Variants in MPP7 observed in about 807,000 individuals in gnomAD.
MPP7 encodes MAGUK p55 scaffold protein 7.
A neutral mutation model predicts 76.5 loss-of-function variants in MPP7; 60 were observed. That is an observed-to-expected ratio of 0.78 (90% CI 0.64 to 0.97). The LOEUF is 0.97. MPP7 is among the 50% of genes least tolerant of loss of function. The pLI is 0.00. For missense variants in MPP7, 641 were observed against 694.0 expected, an observed-to-expected ratio of 0.92 and a Z score of 0.86; for synonymous variants, 237 against 244.5, an observed-to-expected ratio of 0.97 and a Z score of 0.29.
chr10:28,086,849 G>C (rs1853034438), intron 12 of MPP7, among the ~76,000 whole-genome samples: 1 of 152,138 alleles, frequency 6.6e-6, no homozygotes, highest in Non-Finnish European at 1.5e-5. Flanking sequence ...CAAACCTCTG[G>C]ACAGCGCACA....
rs199511617 is a variant in MPP7 at position 28,254,004 on chromosome 10, GAAAAAAAAA to G, written c.-131-15278_-131-15270del. Among the ~76,000 whole-genome samples, 197 of 92,356 alleles carry G rather than the reference GAAAAAAAAA, an allele frequency of 2.1e-3. 1 individual carries two copies. In the Middle Eastern group the frequency reaches 0.027, roughly 13 times the overall value. 60.6% of individuals were successfully genotyped at this position (92,356 alleles called of 152,430 possible). On this transcript the variant is annotated intron_variant, in intron 1 of 16. Coordinates refer to ENST00000683449, the MANE Select transcript of MPP7 (RefSeq NM_001318170.2). Reference sequence around the variant, plus strand: ...GAGAGAGAGTCTGTCTCACAAAAAAGAAAAAAAAAAAAAAAAAAAAAAAAAAAGACATAC... The same window carrying G: ...GAGAGAGAGTCTGTCTCACAAAAAAGAAAAAAAAAAAAAAAAAAGACATAC...
intron 3 of MPP7, among the ~76,000 whole-genome samples, chr10:28,157,432 A>AT (rs1378487139): frequency 6.6e-6 from 1 of 152,208 alleles, no homozygotes; most frequent in Non-Finnish European, 1.5e-5. Flanking sequence ...TGTGGAGTGT[A>AT]TTCCAATGTG....
At chr10:28,234,037 G>A (rs1186432648) in intron 2 of MPP7, among the ~76,000 whole-genome samples, 10 of 152,142 alleles carry the variant, frequency 6.6e-5, no homozygotes, top group African/African-American at 1.7e-4. Flanking sequence ...CTCCAGCAGC[G>A]ATAAGCAAAC....
chr10:28,158,560 G>T (rs1231715080), intron 3 of MPP7, among the ~76,000 whole-genome samples: 1 of 152,162 alleles, frequency 6.6e-6, no homozygotes, highest in African/African-American at 2.4e-5. Flanking sequence ...CAGCAGACTA[G>T]CTGATTTTCC....
intron 2 of MPP7, among the ~76,000 whole-genome samples, chr10:28,232,554 C>T (rs1838925017): frequency 6.6e-6 from 1 of 152,076 alleles, no homozygotes; most frequent in Non-Finnish European, 1.5e-5. Context: ...TACTTTTCCC[C>T]TGGATTCTAT....
chr10:28,124,211 C>A (rs969168226), intron 7 of MPP7, 95 bp from the exon 8 acceptor site: 16 of 804,010 alleles, frequency 2.0e-5, no homozygotes, highest in African/African-American at 1.9e-4. Context: ...GTTAGGTTCC[C>A]TTAATACACT....
chr10:28,077,113 A>G (rs897033519), intron 12 of MPP7, among the ~76,000 whole-genome samples: 3 of 146,162 alleles, frequency 2.1e-5, no homozygotes, highest in Non-Finnish European at 3.0e-5. Flanking sequence ...CTCTCTAGGG[A>G]AAAAAAAACT....
chr10:28,076,869 C>CA (rs75538857), intron 12 of MPP7, among the ~76,000 whole-genome samples: 17,708 of 146,890 alleles, frequency 0.12, 1,684 homozygotes, highest in East Asian at 0.51. Context: ...GCCTGGGTGA[C>CA]AGAGTAAGAC....
At chr10:28,293,873 A>C (rs941807147) in intron 1 of MPP7, among the ~76,000 whole-genome samples, 9 of 152,240 alleles carry the variant, frequency 5.9e-5, no homozygotes, top group Admixed American at 2.6e-4. Context: ...TTAACAGCTA[A>C]CAAGTAAGAC....
chr10:28,184,336 TA>T (rs1045754967), intron 3 of MPP7, among the ~76,000 whole-genome samples: 1 of 148,308 alleles, frequency 6.7e-6, no homozygotes, highest in Non-Finnish European at 1.5e-5. Context: ...CTTTACATAT[TA>T]AATGTATCTT....
chr10:28,183,685 G>A (rs1465831340), intron 3 of MPP7, among the ~76,000 whole-genome samples: 1 of 152,166 alleles, frequency 6.6e-6, no homozygotes, highest in Non-Finnish European at 1.5e-5. Context: ...TACTTGGAAA[G>A]CTGAGAAGGG....
rs188544745 is a variant in MPP7, at chr10:28,186,820, G to A, written c.156+15333C>T. Among the ~76,000 whole-genome samples the A allele has an allele frequency of 2.0e-5, 3 of 152,272 alleles. No homozygotes were observed. In the East Asian group the frequency reaches 5.8e-4, roughly 29 times the overall value. On this transcript the variant is annotated intron_variant, in intron 3 of 16. Transcript: ENST00000683449. Reference sequence around the variant, plus strand: ...CAATTTGGTTAAGACCTACTGCAGTGGGAAACGCTCATCTCTGTAGCCCAG... The same window carrying A: ...CAATTTGGTTAAGACCTACTGCAGTAGGAAACGCTCATCTCTGTAGCCCAG...
At chr10:28,279,673 C>G (rs1840609252) in intron 1 of MPP7, among the ~76,000 whole-genome samples, 1 of 151,546 alleles carries the variant, frequency 6.6e-6, no homozygotes, top group African/African-American at 2.4e-5. Flanking sequence ...TCACTGCACT[C>G]CAACCTGGGT....
At position 28,220,149 on chromosome 10, in the gene MPP7, A is replaced by AG. The variant is rs1340149708; in HGVS notation, c.38-17879_38-17878insC. Among the ~76,000 whole-genome samples the AG allele has an allele frequency of 2.0e-3, 298 of 152,302 alleles. 2 individuals carry two copies. The highest frequency in any genetic ancestry group is 3.3e-3 in the Non-Finnish European group (226 of 68,006). On this transcript the variant is annotated intron_variant, in intron 2 of 16. Transcript: ENST00000683449. ...AGGGTGAGTTAACAGGGGAACATGC[A>AG]TACAACTTTACCTAACTTTCATTTG...
chr10:28,239,168 G>A (rs778005884), intron 1 of MPP7, among the ~76,000 whole-genome samples: 14 of 147,060 alleles, frequency 9.5e-5, no homozygotes, highest in Non-Finnish European at 1.3e-4. Flanking sequence ...TTTTTGATAC[G>A]GAGTCTCACT....
Position 28,103,996 on chromosome 10 carries a change from T to C in MPP7, c.953-14155A>G, listed in dbSNP as rs539245058. 2.0e-5 allele frequency among the ~76,000 whole-genome samples: 3 copies of C among 152,264 alleles called. No homozygotes were observed. In the South Asian group the frequency reaches 6.2e-4, roughly 32 times the overall value. ...TGGTTTTTGACTGACAAAACAGCAATTTCATCTGCTTCAACCAAATGCATA... is the reference window on the plus strand; with the variant it reads ...TGGTTTTTGACTGACAAAACAGCAACTTCATCTGCTTCAACCAAATGCATA... On this transcript the variant is annotated intron_variant, in intron 11 of 16. Transcript: ENST00000683449.
intron 3 of MPP7, among the ~76,000 whole-genome samples, chr10:28,155,768 TAAAAA>T (rs530368373): frequency 1.3e-5 from 2 of 150,816 alleles, no homozygotes; most frequent in Admixed American, 6.6e-5. Flanking sequence ...GTCAGAAACT[TAAAAA>T]AAAAAAACAA....
At chr10:28,248,760 T>C (rs1318148836) in intron 1 of MPP7, among the ~76,000 whole-genome samples, 2 of 152,184 alleles carry the variant, frequency 1.3e-5, no homozygotes, top group African/African-American at 2.4e-5. Context: ...TGTGTTCCAA[T>C]TGCCAGAAAT....
chr10:28,149,350 C>T (rs1228189154), intron 4 of MPP7, among the ~76,000 whole-genome samples: 5 of 152,106 alleles, frequency 3.3e-5, no homozygotes, highest in Non-Finnish European at 5.9e-5. Flanking sequence ...CATCCGAGTC[C>T]GAAAGTTAAC....
Sources: gnomAD v4.1 joint callset for allele counts (sites outside exome capture counted in the v4.1 genomes callset) on GRCh38, gnomAD v4.1.1 for gene constraint, MANE v1.5 for transcripts, NCBI Gene and HGNC (gene_info 2026-07-23, HGNC 2026-07-21) for gene names.